LRP2: variants seen among roughly 807,000 people sequenced by gnomAD.
LRP2 encodes LDL receptor related protein 2, also known as low-density lipoprotein receptor-related protein 2.
LRP2 carries 172 observed loss-of-function variants against 531.0 expected under a neutral mutation model. The ratio of observed to expected loss-of-function variants is 0.32; its 90% CI spans 0.29 to 0.37. The LOEUF is 0.37. LRP2 is among the 10% of genes least tolerant of loss of function. The pLI is 1.00. For synonymous variants in LRP2, 1,992 were observed against 2,027.6 expected, an observed-to-expected ratio of 0.98 and a Z score of 0.47; for missense variants, 5,167 against 5,868.3, an observed-to-expected ratio of 0.88 and a Z score of 3.90.
chr2:169,132,767 TC>T, intron 76 of LRP2, 86 bp from the exon 77 acceptor site: 1 of 768,544 alleles, frequency 1.3e-6, no homozygotes, highest in South Asian at 1.4e-5. Flanking sequence ...CAACTCTGGC[TC>T]TTTTTGCCAT....
Position 169,207,272 on chromosome 2 carries a change from A to G in LRP2, c.6470-22T>C, listed in dbSNP as rs371521044. 3.4e-4 allele frequency: 526 copies of G among 1,535,982 alleles called. 2 individuals are homozygous for G. The African/African-American group carries it at 6.1e-3, about 18-fold the overall frequency. ...TTTCCTATGGGAAAAATGAAAGTGC[A>G]TGCTGATCAATGGAGAACCAAGAAG... On this transcript the variant is annotated intron_variant, in intron 38 of 78. Coordinates refer to ENST00000649046, the MANE Select transcript of LRP2 (RefSeq NM_004525.3).
At position 169,187,987 on chromosome 2, in the gene LRP2, C is replaced by T. The variant is rs139523655; in HGVS notation, c.9311G>A (p.Ser3104Asn). The T allele has an allele frequency of 1.6e-4, 253 of 1,614,076 alleles. No homozygotes were observed. The African/African-American group carries it at 3.0e-3, about 19-fold the overall frequency. ...GTACTCACCACAGCCTTTCTCATCG[C>T]TGTTGTCCAAACAGTCATCTAGGTG... ...CNHLDDCLDNSDEKGCGINEC... is the reference protein window; with the variant it reads ...CNHLDDCLDNNDEKGCGINEC... Residue 3104 changes from serine (S) to asparagine (N), a missense_variant, in exon 49 of 79, where the codon AGC becomes AAC. Ser to Asn is a conservative substitution (Grantham distance 46). Around this residue, in one of 6 missense-constraint regions of LRP2, gnomAD observed 1,129 missense variants for 1,362.7 expected, o/e 0.83. Coordinates refer to ENST00000649046, the MANE Select transcript of LRP2 (RefSeq NM_004525.3).
At chr2:169,344,168 G>A (rs770723079) in intron 1 of LRP2, among the ~76,000 whole-genome samples, 20 of 151,774 alleles carry the variant, frequency 1.3e-4, no homozygotes, top group Non-Finnish European at 2.6e-4. Flanking sequence ...TGTGCAGAAC[G>A]TGCAGGTTTG....
intron 77 of LRP2, among the ~76,000 whole-genome samples, chr2:169,130,028 C>T (rs1685226681): frequency 6.6e-6 from 1 of 152,202 alleles, no homozygotes; most frequent in Admixed American, 6.5e-5. Flanking sequence ...CACTTTAACC[C>T]ACATTCAAGT....
chr2:169,144,908 T>C (rs1426317502), intron 70 of LRP2, among the ~76,000 whole-genome samples: 1 of 152,194 alleles, frequency 6.6e-6, no homozygotes, highest in Non-Finnish European at 1.5e-5. Context: ...ACTGGGCCAA[T>C]ACAGCAAGAT....
intron 3 of LRP2, among the ~76,000 whole-genome samples, chr2:169,315,150 G>C (rs1390617590): frequency 6.6e-6 from 1 of 152,152 alleles, no homozygotes; most frequent in African/African-American, 2.4e-5. Flanking sequence ...ATCTAATGCT[G>C]AGATTCATCT....
chr2:169,232,014 A>G (rs530251122), intron 30 of LRP2, among the ~76,000 whole-genome samples, 172 bp from the exon 31 acceptor site: 1 of 152,216 alleles, frequency 6.6e-6, no homozygotes, highest in African/African-American at 2.4e-5. Context: ...TCACACTTTC[A>G]ACTTCCCTAG....
intron 33 of LRP2, among the ~76,000 whole-genome samples, chr2:169,220,838 G>C (rs1688966825): frequency 6.6e-6 from 1 of 152,108 alleles, no homozygotes; most frequent in Non-Finnish European, 1.5e-5. Flanking sequence ...ATGGATAAAA[G>C]GAAGATTCAG....
chr2:169,199,409 C>T (rs1434071928), intron 44 of LRP2, among the ~76,000 whole-genome samples: 1 of 151,990 alleles, frequency 6.6e-6, no homozygotes, highest in Non-Finnish European at 1.5e-5. Context: ...GAGAGAGATG[C>T]TTATATTAAA....
At chr2:169,176,844 G>A (rs541335396) in intron 53 of LRP2, among the ~76,000 whole-genome samples, 1 of 152,312 alleles carries the variant, frequency 6.6e-6, no homozygotes, top group South Asian at 2.1e-4. Context: ...GACTAGAAAA[G>A]ATGTGTTTCT....
At chr2:169,236,600 C>A (rs1162243338) in intron 28 of LRP2, among the ~76,000 whole-genome samples, 3 of 152,148 alleles carry the variant, frequency 2.0e-5, no homozygotes, top group African/African-American at 7.2e-5. Context: ...GGAAAGAAAT[C>A]CTCAAAGATT....
In LRP2 at chr2:169,156,302, G is replaced by T. The variant is rs749675912; in HGVS notation, c.12123C>A (p.Asp4041Glu). ...CAGCTGCACATCGTTTTCCAGGGCG[G>T]TCACTCATAGACGTGAAGCCATCAG... is the stretch of plus-strand genomic sequence containing the variant. ...VCADGFTSMS[D>E]RPGKRCAAEG... Residue 4041 changes from aspartate (D) to glutamate (E), a missense_variant, in exon 65 of 79, where the codon GAC becomes GAA. By Grantham distance (45) the Asp-to-Glu change is conservative. This residue lies in a region of LRP2 where 564 missense variants were observed against 747.7 expected (regional missense o/e 0.75). Coordinates refer to ENST00000649046, the MANE Select transcript of LRP2 (RefSeq NM_004525.3). The T allele has an allele frequency of 6.2e-7, 1 of 1,613,712 alleles. No individual in the cohort carries two copies. The highest frequency in any genetic ancestry group is 8.5e-7 in the Non-Finnish European group (1 of 1,179,718).
At chr2:169,202,644 G>T in intron 43 of LRP2, 112 bp downstream of exon 43, 1 of 1,092,932 alleles carries the variant, frequency 9.1e-7, no homozygotes, top group Non-Finnish European at 1.4e-6. Context: ...AGCTCTACCA[G>T]GATGCCTAGG....
intron 4 of LRP2, among the ~76,000 whole-genome samples, chr2:169,298,214 CA>C (rs1684184305): frequency 6.6e-6 from 1 of 151,956 alleles, no homozygotes; most frequent in African/African-American, 2.4e-5. Flanking sequence ...TCATCATCAT[CA>C]TCATCATCAT....
At chr2:169,284,412 G>A (rs1368771616) in intron 9 of LRP2, among the ~76,000 whole-genome samples, 1 of 151,408 alleles carries the variant, frequency 6.6e-6, no homozygotes. Context: ...CTACAGGTGT[G>A]CGCCACCACA....
intron 63 of LRP2, among the ~76,000 whole-genome samples, chr2:169,161,154 G>A (rs1424459848): frequency 6.6e-6 from 1 of 152,182 alleles, no homozygotes; most frequent in Non-Finnish European, 1.5e-5. Flanking sequence ...GGGATCCAGA[G>A]GCCAGCCCTC....
chr2:169,142,604 T>A, intron 71 of LRP2, 70 bp downstream of exon 71: 10 of 1,603,500 alleles, frequency 6.2e-6, no homozygotes, highest in Non-Finnish European at 8.5e-6. Flanking sequence ...CATACAGGGA[T>A]TCTTCTGACT....
intron 1 of LRP2, among the ~76,000 whole-genome samples, chr2:169,356,499 C>T (rs1175690796): frequency 6.6e-6 from 1 of 152,138 alleles, no homozygotes; most frequent in African/African-American, 2.4e-5. Context: ...TTTGCATAAC[C>T]ACCCCGTGAG....
chr2:169,345,101 T>A (rs889528510), intron 1 of LRP2, among the ~76,000 whole-genome samples: 3 of 152,234 alleles, frequency 2.0e-5, no homozygotes, highest in Admixed American at 2.0e-4. Flanking sequence ...CACAGTTAAT[T>A]AACCACACTG....
Sources: gnomAD v4.1 joint callset for allele counts (sites outside exome capture counted in the v4.1 genomes callset) on GRCh38, gnomAD v4.1.1 for gene constraint, gnomAD v4.1.1 regional missense constraint, MANE v1.5 for transcripts, NCBI Gene and HGNC (gene_info 2026-07-23, HGNC 2026-07-21) for gene names.